AGBL4: variants seen among roughly 807,000 people sequenced by gnomAD.
The protein encoded by AGBL4 is AGBL carboxypeptidase 4, also known as cytosolic carboxypeptidase 6.
AGBL4 carries 58 observed loss-of-function variants against 66.4 expected under a neutral mutation model. The observed-to-expected ratio is 0.87, with a 90% CI of 0.71 to 1.09. AGBL4 has a LOEUF of 1.09. AGBL4 is among the 50% of genes least tolerant of loss of function. The probability of loss-of-function intolerance (pLI) is 0.00; values close to 1 mark genes in which losing one functional copy is unlikely to be tolerated. For missense variants in AGBL4, 579 were observed against 631.0 expected (o/e 0.92, Z 0.88); for synonymous variants, 234 against 222.9 (o/e 1.05, Z -0.44).
chr1:49,564,317 T>C (rs1644135095), intron 3 of AGBL4, among the ~76,000 whole-genome samples: 1 of 152,224 alleles, frequency 6.6e-6, no homozygotes. Flanking sequence ...TCAGTTCTGC[T>C]CTGATTTTAG....
At chr1:49,565,604 T>G (rs1209659789) in intron 3 of AGBL4, among the ~76,000 whole-genome samples, 1 of 152,242 alleles carries the variant, frequency 6.6e-6, no homozygotes. Flanking sequence ...TTGAAAATTC[T>G]TTTCTTTAAG....
chr1:49,061,783 C>T (rs1349084130), intron 4 of AGBL4, among the ~76,000 whole-genome samples: 3 of 152,120 alleles, frequency 2.0e-5, no homozygotes, highest in Non-Finnish European at 4.4e-5. Context: ...TAGAAGTAGC[C>T]TTCATCTTGT....
chr1:49,436,198 G>A (rs964891019), intron 3 of AGBL4, among the ~76,000 whole-genome samples: 2 of 152,154 alleles, frequency 1.3e-5, no homozygotes, highest in Non-Finnish European at 2.9e-5. Context: ...CAAGGATACA[G>A]TATAGGAAAA....
At chr1:48,920,575 A>G (rs1196370886) in intron 5 of AGBL4, among the ~76,000 whole-genome samples, 1 of 152,208 alleles carries the variant, frequency 6.6e-6, no homozygotes, top group Non-Finnish European at 1.5e-5. Context: ...GATCTTAAAA[A>G]CAACCCTATG....
intron 11 of AGBL4, among the ~76,000 whole-genome samples, chr1:48,548,588 C>T (rs931210777): frequency 2.0e-5 from 3 of 152,176 alleles, no homozygotes; most frequent in African/African-American, 7.2e-5. Flanking sequence ...GCCTGGCCTG[C>T]GGCCTCCCTT....
intron 3 of AGBL4, among the ~76,000 whole-genome samples, chr1:49,334,976 C>A (rs1645405102): frequency 6.6e-6 from 1 of 152,182 alleles, no homozygotes. Flanking sequence ...ACCAATTTTT[C>A]TGTGTTACAT....
At chr1:49,215,744 C>A (rs1242692463) in intron 4 of AGBL4, among the ~76,000 whole-genome samples, 1 of 152,020 alleles carries the variant, frequency 6.6e-6, no homozygotes, top group African/African-American at 2.4e-5. Context: ...CGCGTTTGCT[C>A]AAGCTTCATC....
chr1:49,778,930 T>C (rs909393170), intron 2 of AGBL4, among the ~76,000 whole-genome samples: 14 of 152,132 alleles, frequency 9.2e-5, no homozygotes, highest in African/African-American at 3.4e-4. Flanking sequence ...GTAACAAACA[T>C]GCACATGTAT....
chr1:49,027,482 C>T (rs72895657), intron 5 of AGBL4, among the ~76,000 whole-genome samples: 2,286 of 152,120 alleles, frequency 0.015, 55 homozygotes, highest in African/African-American at 0.052. Context: ...TTTTTAAAAA[C>T]AATCATTTGA....
intron 3 of AGBL4, among the ~76,000 whole-genome samples, chr1:49,690,876 C>G (rs763507755): frequency 2.5e-4 from 38 of 152,008 alleles, no homozygotes; most frequent in Non-Finnish European, 4.0e-4. Flanking sequence ...TACTATTAAC[C>G]CCACTGAATA....
chr1:49,201,962 CA>C (rs936145605), intron 4 of AGBL4, among the ~76,000 whole-genome samples: 22 of 146,138 alleles, frequency 1.5e-4, no homozygotes, highest in Admixed American at 6.1e-4. Context: ...CAATGAGTAC[CA>C]AAAAAAAAAG....
intron 3 of AGBL4, among the ~76,000 whole-genome samples, chr1:49,369,424 G>A (rs549455789): frequency 6.6e-6 from 1 of 152,252 alleles, no homozygotes; most frequent in Non-Finnish European, 1.5e-5. Context: ...TAAAGCAAAT[G>A]TATGAAACAA....
chr1:49,133,947 C>T (rs915734513), intron 4 of AGBL4, among the ~76,000 whole-genome samples: 9 of 151,614 alleles, frequency 5.9e-5, no homozygotes, highest in African/African-American at 1.9e-4. Context: ...ATATATGTAT[C>T]GGGCGAACCA....
chr1:49,628,687 T>G (rs1237218097), intron 3 of AGBL4, among the ~76,000 whole-genome samples: 1 of 152,188 alleles, frequency 6.6e-6, no homozygotes, highest in African/African-American at 2.4e-5. Context: ...TATCATGTTC[T>G]GTTCAATGTA....
intron 1 of AGBL4, among the ~76,000 whole-genome samples, chr1:49,988,139 T>G (rs1367115783): frequency 6.6e-6 from 1 of 152,028 alleles, no homozygotes; most frequent in Admixed American, 6.6e-5. Flanking sequence ...TAAGAGAAAA[T>G]ATGAAAACAT....
chr1:49,934,054 G>C (rs554852412), intron 1 of AGBL4, among the ~76,000 whole-genome samples: 6 of 152,166 alleles, frequency 3.9e-5, no homozygotes, highest in African/African-American at 1.4e-4. Flanking sequence ...GGCTGAAAAT[G>C]AAGGCATAAA....
At chr1:49,353,734 C>T (rs1643959056) in intron 3 of AGBL4, among the ~76,000 whole-genome samples, 2 of 152,084 alleles carry the variant, frequency 1.3e-5, no homozygotes, top group Admixed American at 1.3e-4. Flanking sequence ...GCTCCACGAG[C>T]AGAAGAGTGG....
intron 1 of AGBL4, among the ~76,000 whole-genome samples, chr1:49,919,034 C>A (rs1651899736): frequency 6.6e-6 from 1 of 152,142 alleles, no homozygotes. Context: ...AATTCAACAT[C>A]CCTTCATGCT....
chr1:49,667,491 T>C (rs1266055444), intron 3 of AGBL4, among the ~76,000 whole-genome samples: 1 of 152,078 alleles, frequency 6.6e-6, no homozygotes, highest in Admixed American at 6.6e-5. Flanking sequence ...TAGATTTATC[T>C]TTAAAATATT....
Sources: gnomAD v4.1 joint callset for allele counts (sites outside exome capture counted in the v4.1 genomes callset) on GRCh38, gnomAD v4.1.1 for gene constraint, MANE v1.5 for transcripts, NCBI Gene and HGNC (gene_info 2026-07-23, HGNC 2026-07-21) for gene names.